The following TRPM3 variants were observed in gnomAD, a reference collection of about 807,000 sequenced individuals.
TRPM3 encodes the protein long transient receptor potential channel 3.
In TRPM3, 77 loss-of-function variants were observed where a neutral mutation model predicts 181.2. That is an observed-to-expected ratio of 0.42 (90% CI 0.35 to 0.51). The LOEUF (loss-of-function observed/expected upper bound fraction) is 0.51, where lower values mean the gene tolerates loss of function less well. Ranked by LOEUF, TRPM3 falls within the 20% of genes least tolerant of loss-of-function variation. The pLI, the probability that TRPM3 is intolerant of heterozygous loss-of-function variation, is 0.01. For missense variants in TRPM3, 1,759 were observed against 2,196.7 expected, an observed-to-expected ratio of 0.80 and a Z score of 3.98; for synonymous variants, 745 against 796.4, an observed-to-expected ratio of 0.94 and a Z score of 1.09.
intron 1 of TRPM3, among the ~76,000 whole-genome samples, chr9:70,879,500 C>T (rs541206595): frequency 1.3e-5 from 2 of 152,158 alleles, no homozygotes; most frequent in South Asian, 4.1e-4. Context: ...TGCCCATTAA[C>T]ACTCTCTATC....
intron 1 of TRPM3, among the ~76,000 whole-genome samples, chr9:71,097,834 C>T (rs1412713041): frequency 6.6e-6 from 1 of 152,006 alleles, no homozygotes; most frequent in Non-Finnish European, 1.5e-5. Context: ...GATGTTGGGG[C>T]CAAGAGGAAC....
intron 1 of TRPM3, among the ~76,000 whole-genome samples, chr9:71,080,171 A>AAAATAAATAAAT (rs71367253): frequency 0.35 from 46,033 of 132,758 alleles, 8,460 homozygotes; most frequent in East Asian, 0.52. Flanking sequence ...ACTCCATCTC[A>AAAATAAATAAAT]AAATAAATAA....
intron 1 of TRPM3, among the ~76,000 whole-genome samples, chr9:71,036,328 A>T (rs2058200729): frequency 6.6e-6 from 1 of 152,218 alleles, no homozygotes. Flanking sequence ...TGCATGCAGC[A>T]TGAACCTCCA....
chr9:71,370,816 G>C (rs1001651483), intron 1 of TRPM3, among the ~76,000 whole-genome samples: 1 of 152,168 alleles, frequency 6.6e-6, no homozygotes, highest in Admixed American at 6.5e-5. Context: ...TTCACAGCTA[G>C]AGCAGAGAAG....
At chr9:70,805,399 T>C (rs1465005196) in intron 6 of TRPM3, among the ~76,000 whole-genome samples, 3 of 151,420 alleles carry the variant, frequency 2.0e-5, no homozygotes, top group Non-Finnish European at 4.4e-5. Flanking sequence ...CCGGGCATAG[T>C]GGCGGGCGCC....
chr9:70,904,456 G>T (rs899787340), intron 1 of TRPM3, among the ~76,000 whole-genome samples: 1 of 152,120 alleles, frequency 6.6e-6, no homozygotes, highest in African/African-American at 2.4e-5. Context: ...TGGTTTCCAA[G>T]AGCTCAGCAG....
intron 1 of TRPM3, among the ~76,000 whole-genome samples, chr9:71,383,240 A>T (rs1014157925): frequency 2.0e-5 from 3 of 152,192 alleles, no homozygotes; most frequent in African/African-American, 7.2e-5. Flanking sequence ...GTGTTTTTAA[A>T]TCATACTAAT....
chr9:70,747,609 G>C (rs551105513), intron 8 of TRPM3, among the ~76,000 whole-genome samples: 15 of 152,138 alleles, frequency 9.9e-5, no homozygotes, highest in African/African-American at 3.6e-4. Context: ...TTGTTTTATG[G>C]TCTGTTTTTC....
At chr9:70,970,330 C>A (rs1395341080) in intron 1 of TRPM3, among the ~76,000 whole-genome samples, 3 of 152,138 alleles carry the variant, frequency 2.0e-5, no homozygotes, top group African/African-American at 7.2e-5. Flanking sequence ...TTAGACCGCA[C>A]CTGCATCAGA....
intron 8 of TRPM3, among the ~76,000 whole-genome samples, chr9:70,753,456 G>A (rs1216962890): frequency 1.3e-5 from 2 of 152,140 alleles, no homozygotes; most frequent in East Asian, 3.9e-4. Context: ...TGGTGTTATT[G>A]AAAGCCTAAT....
At chr9:70,628,017 T>C (rs563055081) in intron 12 of TRPM3, among the ~76,000 whole-genome samples, 32 of 152,330 alleles carry the variant, frequency 2.1e-4, no homozygotes, top group Non-Finnish European at 2.9e-4. Flanking sequence ...ATAGTAACTT[T>C]TCATGTATTA....
chr9:71,096,256 C>T (rs2067175859), intron 1 of TRPM3, among the ~76,000 whole-genome samples: 1 of 147,610 alleles, frequency 6.8e-6, no homozygotes, highest in Non-Finnish European at 1.5e-5. Flanking sequence ...ACTGTGAGTC[C>T]CTCTTATTTC....
intron 1 of TRPM3, among the ~76,000 whole-genome samples, chr9:71,132,558 G>A (rs2074439133): frequency 6.6e-6 from 1 of 152,078 alleles, no homozygotes; most frequent in African/African-American, 2.4e-5. Flanking sequence ...TTACACAACT[G>A]TATAGAATTG....
intron 1 of TRPM3, among the ~76,000 whole-genome samples, chr9:71,324,531 G>T (rs553426028): frequency 7.9e-5 from 12 of 151,724 alleles, no homozygotes; most frequent in African/African-American, 2.7e-4. Context: ...ATGTGATCTA[G>T]TATATCCACT....
intron 1 of TRPM3, among the ~76,000 whole-genome samples, chr9:70,952,836 C>T (rs566405972): frequency 6.6e-6 from 1 of 152,088 alleles, no homozygotes; most frequent in African/African-American, 2.4e-5. Flanking sequence ...GGATTTAATC[C>T]AGAAAATCAG....
intron 1 of TRPM3, among the ~76,000 whole-genome samples, chr9:71,226,542 A>T (rs2080669587): frequency 6.6e-6 from 1 of 152,196 alleles, no homozygotes; most frequent in Non-Finnish European, 1.5e-5. Context: ...CTTATATCAG[A>T]CAAAAATATC....
At chr9:71,325,928 G>C (rs2089651498) in intron 1 of TRPM3, among the ~76,000 whole-genome samples, 1 of 152,110 alleles carries the variant, frequency 6.6e-6, no homozygotes, top group Admixed American at 6.5e-5. Flanking sequence ...AAATTTCTGG[G>C]AAGCTTGGGC....
chr9:70,755,698 C>CCAGAATTT (rs1167422230), intron 8 of TRPM3, among the ~76,000 whole-genome samples: 3 of 152,072 alleles, frequency 2.0e-5, no homozygotes, highest in Admixed American at 2.0e-4. Flanking sequence ...AATTTTCAAC[C>CCAGAATTT]CAGAATTTCA....
At chr9:71,195,931 G>A (rs553090234) in intron 1 of TRPM3, among the ~76,000 whole-genome samples, 3 of 152,070 alleles carry the variant, frequency 2.0e-5, no homozygotes, top group African/African-American at 7.2e-5. Flanking sequence ...CCCAAAGAGG[G>A]GAACAACACA....
Sources: allele counts gnomAD v4.1 joint callset (sites outside exome capture counted in the v4.1 genomes callset), GRCh38; gene constraint gnomAD v4.1.1; transcripts MANE v1.5; gene names NCBI Gene and HGNC (gene_info 2026-07-23, HGNC 2026-07-21).